Variants in TUSC7 observed in about 807,000 individuals in gnomAD.
TUSC7 encodes the protein LSAMP antisense RNA 3.
At position 116,716,570 on chromosome 3, in the gene TUSC7, G is replaced by C. The variant is rs538924365; in HGVS notation, n.99-1191G>C. On this transcript the variant is annotated intron_variant and non_coding_transcript_variant, in intron 1 of 2. Transcript: ENST00000477805. Reference sequence around the variant, plus strand: ...CTTCAAAGTAACTAAAACAAAGAAAGCTGAGCCAGCTTCACTGGAAACAAC... The same window carrying C: ...CTTCAAAGTAACTAAAACAAAGAAACCTGAGCCAGCTTCACTGGAAACAAC... 3.9e-5 allele frequency: 6 copies of C among 152,294 alleles called. No homozygotes were observed. In the South Asian group the frequency reaches 1.2e-3, roughly 32 times the overall value. The allele number at this position is 152,294 out of a possible 1,614,324, so 9.4% of individuals were successfully genotyped here.
intron 1 of TUSC7, chr3:116,710,464 C>T (rs1180027916): frequency 2.0e-5 from 3 of 152,012 alleles, no homozygotes; most frequent in Non-Finnish European, 4.4e-5. Flanking sequence ...GAGGAAGTGA[C>T]CAGAAAAGTG....
At chr3:116,711,914 C>A (rs1226307988) in intron 1 of TUSC7, among the ~76,000 whole-genome samples, 1 of 152,090 alleles carries the variant, frequency 6.6e-6, no homozygotes, top group Non-Finnish European at 1.5e-5. Context: ...GAAACATAAC[C>A]TAAAAACCTT....
chr3:116,715,038 C>A (rs1453508554), intron 1 of TUSC7, among the ~76,000 whole-genome samples: 1 of 152,230 alleles, frequency 6.6e-6, no homozygotes, highest in South Asian at 2.1e-4. Context: ...TCACTGTTTC[C>A]ATAGTTTTGC....
At chr3:116,716,836 T>A (rs2051512559) in intron 1 of TUSC7, 1 of 152,190 alleles carries the variant, frequency 6.6e-6, no homozygotes, top group Admixed American at 6.6e-5. Flanking sequence ...GACTCTTTTC[T>A]GGCCTCTGTT....
At position 116,709,790 on chromosome 3, in the gene TUSC7, G is replaced by A. The variant is rs560816006; in HGVS notation, n.12G>A. ...CCCTAGATTGTTCTGTTACACAAGG[G>A]GTACCAAAGTCCACTCTGAGCTTTT... is the stretch of plus-strand genomic sequence containing the variant. On this transcript the variant is annotated non_coding_transcript_exon_variant, in exon 1 of 3. Transcript: ENST00000477805. 4 of 152,126 alleles carry A rather than the reference G, an allele frequency of 2.6e-5. No individual in the cohort carries two copies. In the East Asian group the frequency reaches 7.7e-4, roughly 29 times the overall value. 9.4% of individuals were successfully genotyped at this position (152,126 alleles called of 1,614,324 possible).
At chr3:116,713,179 C>T (rs2051477223) in intron 1 of TUSC7, among the ~76,000 whole-genome samples, 1 of 152,098 alleles carries the variant, frequency 6.6e-6, no homozygotes, top group African/African-American at 2.4e-5. Context: ...CTCACTGTAC[C>T]CATTGTCTTG....
chr3:116,710,803 A>G (rs978450462), intron 1 of TUSC7, among the ~76,000 whole-genome samples: 12 of 152,216 alleles, frequency 7.9e-5, no homozygotes, highest in Middle Eastern at 3.4e-3. Context: ...AAAATGAAAA[A>G]CAATAAGGAG....
intron 1 of TUSC7, among the ~76,000 whole-genome samples, chr3:116,713,600 T>C (rs535503403): frequency 2.6e-5 from 4 of 152,322 alleles, no homozygotes; most frequent in African/African-American, 9.6e-5. Context: ...CCTAAATCTG[T>C]AGAAGGTTTC....
intron 1 of TUSC7, chr3:116,712,411 A>G (rs754644584): frequency 1.3e-5 from 2 of 152,164 alleles, no homozygotes; most frequent in African/African-American, 2.4e-5. Flanking sequence ...TCTGGCTGAG[A>G]AGTGATGGAC....
intron 1 of TUSC7, chr3:116,712,484 A>T (rs1436400468): frequency 6.6e-6 from 1 of 152,212 alleles, no homozygotes; most frequent in Non-Finnish European, 1.5e-5. Context: ...AGATATCAAC[A>T]AATTGGATGG....
chr3:116,712,889 A>G (rs2051474210), intron 1 of TUSC7: 1 of 152,184 alleles, frequency 6.6e-6, no homozygotes, highest in South Asian at 2.1e-4. Flanking sequence ...ATCTGTTTGT[A>G]TGTAGACATA....
intron 1 of TUSC7, among the ~76,000 whole-genome samples, chr3:116,714,992 T>G (rs1382093477): frequency 6.6e-6 from 1 of 152,210 alleles, no homozygotes; most frequent in Non-Finnish European, 1.5e-5. Flanking sequence ...TGCATATTCA[T>G]GCTTCTTCCC....
intron 1 of TUSC7, among the ~76,000 whole-genome samples, chr3:116,711,330 G>T (rs989724243): frequency 2.0e-5 from 3 of 152,156 alleles, no homozygotes; most frequent in Non-Finnish European, 4.4e-5. Flanking sequence ...TAGAGTAACA[G>T]ATGGGTTGTC....
intron 1 of TUSC7, among the ~76,000 whole-genome samples, chr3:116,711,495 G>A (rs2051462849): frequency 6.6e-6 from 1 of 152,118 alleles, no homozygotes; most frequent in African/African-American, 2.4e-5. Context: ...CACTTCAAGT[G>A]TTATTTCATT....
chr3:116,710,904 T>C (rs1206997558), intron 1 of TUSC7, among the ~76,000 whole-genome samples: 1 of 152,126 alleles, frequency 6.6e-6, no homozygotes, highest in Non-Finnish European at 1.5e-5. Context: ...ATTAGAAGTG[T>C]GTAGATAGTT....
chr3:116,713,882 C>T (rs2051483418), intron 1 of TUSC7, among the ~76,000 whole-genome samples: 1 of 152,154 alleles, frequency 6.6e-6, no homozygotes. Flanking sequence ...AGGAGAATCA[C>T]TTGAACCCGG....
intron 1 of TUSC7, among the ~76,000 whole-genome samples, chr3:116,711,913 C>A (rs1249242489): frequency 6.6e-6 from 1 of 152,074 alleles, no homozygotes; most frequent in East Asian, 1.9e-4. Context: ...TGAAACATAA[C>A]CTAAAAACCT....
chr3:116,714,752 T>G (rs1019084385), intron 1 of TUSC7, among the ~76,000 whole-genome samples: 1 of 152,130 alleles, frequency 6.6e-6, no homozygotes, highest in Non-Finnish European at 1.5e-5. Flanking sequence ...AGCCCCTCCC[T>G]CCACAAGGGC....
intron 1 of TUSC7, among the ~76,000 whole-genome samples, chr3:116,710,701 A>G (rs775646198): frequency 1.7e-4 from 26 of 152,186 alleles, no homozygotes; most frequent in Non-Finnish European, 3.4e-4. Flanking sequence ...ATGGTTGCAG[A>G]GTTGAATCTT....
Sources: allele counts gnomAD v4.1 joint callset (sites outside exome capture counted in the v4.1 genomes callset), GRCh38; gene constraint gnomAD v4.1.1; transcripts MANE v1.5; gene names NCBI Gene and HGNC (gene_info 2026-07-23, HGNC 2026-07-21).